LRP5: variants seen among roughly 807,000 people sequenced by gnomAD.
LRP5 encodes LDL receptor related protein 5, also known as low-density lipoprotein receptor-related protein 5.
LRP5 carries 62 observed loss-of-function variants against 154.1 expected under a neutral mutation model. That is an observed-to-expected ratio of 0.40 (90% CI 0.33 to 0.50). LRP5 has a LOEUF of 0.50. Ranked by LOEUF, LRP5 falls within the 20% of genes least tolerant of loss-of-function variation. The pLI is 0.55. For missense variants in LRP5, 1,915 were observed against 2,336.7 expected, an observed-to-expected ratio of 0.82 and a Z score of 3.72; for synonymous variants, 966 against 1,011.5, an observed-to-expected ratio of 0.96 and a Z score of 0.85.
At position 68,448,901 on chromosome 11, in the gene LRP5, G is replaced by C; in HGVS notation, c.4679G>C (p.Ser1560Thr). The change falls in exon 23 of 23, where the codon AGC becomes ACC. Residue 1560 changes from serine to threonine, a missense_variant. Around this residue, in one of 3 missense-constraint regions of LRP5, gnomAD observed 1,094 missense variants for 1,210.1 expected, o/e 0.90. Coordinates refer to ENST00000294304, the MANE Select transcript of LRP5 (RefSeq NM_002335.4). ...SDYSASRWKA[S>T]KYYLDLNSDS... ...TACAGCGCCAGCCGCTGGAAGGCCA[G>C]CAAGTACTACCTGGATTTGAACTCG... 1 of 1,613,672 alleles carries C rather than the reference G, an allele frequency of 6.2e-7. No individual in the cohort carries two copies. The highest frequency in any genetic ancestry group is 8.5e-7 in the Non-Finnish European group (1 of 1,180,018).
rs1202137792 is a variant in LRP5, at chr11:68,448,816, A to G, written c.4594A>G (p.Ile1532Val). Residue 1532 changes from isoleucine (I) to valine (V), a missense_variant, in exon 23 of 23, where the codon ATC (isoleucine) becomes GTC (valine). Around this residue, in one of 3 missense-constraint regions of LRP5, gnomAD observed 1,094 missense variants for 1,210.1 expected, o/e 0.90. Transcript: ENST00000294304. ...TGTGTGTGTCCCTTTCAGGCCCTAC[A>G]TCATTCGAGGAATGGCGCCCCCGAC... Reference protein sequence around the residue: ...PATARPYRPYIIRGMAPPTTP... With the variant: ...PATARPYRPYVIRGMAPPTTP... The G allele has an allele frequency of 1.2e-6, 2 of 1,605,792 alleles. No homozygotes were observed. The highest frequency in any genetic ancestry group is 1.7e-6 in the Non-Finnish European group (2 of 1,179,932).
chr11:68,413,653 C>G lies in LRP5; in HGVS notation c.2504-36C>G, dbSNP rs761291947. 1.9e-6 allele frequency: 3 copies of G among 1,597,302 alleles called. No individual in the cohort carries two copies. Among genetic ancestry groups the G allele is most frequent in the South Asian group, 1.1e-5 (1 of 90,732 alleles). The stretch of plus-strand genomic sequence containing the variant: ...CCGTGTGCTCTGTGGCCTGGCTGTG[C>G]CTTTGCTGACACCGTGCCCGTGTGT... On this transcript the variant is annotated intron_variant, in intron 11 of 22. Coordinates refer to ENST00000294304, the MANE Select transcript of LRP5 (RefSeq NM_002335.4). The surrounding 1 kb of genome is among the most constrained non-coding windows in gnomAD (Gnocchi z 5.1).
At chr11:68,439,989 C>T (rs902345358) in intron 21 of LRP5, 73 bp downstream of exon 21, 26 of 1,387,764 alleles carry the variant, frequency 1.9e-5, no homozygotes, top group East Asian at 1.0e-4. Flanking sequence ...TGCTGGCCAC[C>T]GGAGGCTTCC....
At chr11:68,434,411 G>T (rs908301000) in intron 18 of LRP5, among the ~76,000 whole-genome samples, 1 of 151,642 alleles carries the variant, frequency 6.6e-6, no homozygotes, top group Non-Finnish European at 1.5e-5. Context: ...ACAGAGTCTT[G>T]CTCTGTCACC....
At chr11:68,306,364 G>A in the LRP5 span, among the ~76,000 whole-genome samples, 1 of 152,134 alleles carries the variant, frequency 6.6e-6, no homozygotes, top group African/African-American at 2.4e-5. Context: ...TCGAACTCAT[G>A]ACCTTAGGTG....
chr11:68,439,725 G>A (rs1328543478), intron 20 of LRP5, 52 bp from the exon 21 acceptor site: 19 of 1,586,886 alleles, frequency 1.2e-5, no homozygotes, highest in African/African-American at 5.4e-5. Flanking sequence ...TCTGTGGGGC[G>A]GCTTGGCTGA....
Position 68,433,606 on chromosome 11 carries a change from G to T in LRP5, c.3768G>T (p.Pro1256=), listed in dbSNP as rs746916192. The change falls in exon 18 of 23, where the codon CCG becomes CCT. Residue 1256 remains proline, a synonymous_variant. Transcript: ENST00000294304. Reference sequence around the variant, plus strand: ...TCTCCTCTGTCCCTCCCCCAGAGCCGCCCACCTGCTCCCCGGACCAGTTTG... The same window carrying T: ...TCTCCTCTGTCCCTCCCCCAGAGCCTCCCACCTGCTCCCCGGACCAGTTTG... ...LLQNLLTCGE[P]PTCSPDQFAC... 2 of 1,612,956 alleles carry T rather than the reference G, an allele frequency of 1.2e-6. No homozygotes were observed. The highest frequency in any genetic ancestry group is 1.3e-5 in the African/African-American group (1 of 74,918).
intron 3 of LRP5, among the ~76,000 whole-genome samples, chr11:68,358,547 A>AC (rs1421228173): frequency 1.3e-5 from 2 of 151,672 alleles, no homozygotes; most frequent in African/African-American, 4.9e-5. Flanking sequence ...CACACGCACC[A>AC]CCCCCACCCT....
At chr11:68,367,314 G>A (rs1041963895) in intron 5 of LRP5, among the ~76,000 whole-genome samples, 1 of 152,232 alleles carries the variant, frequency 6.6e-6, no homozygotes, top group African/African-American at 2.4e-5. Context: ...GCCAGGGCAA[G>A]TCACCAGCCT....
At chr11:68,402,918 C>G (rs2098653401) in intron 7 of LRP5, among the ~76,000 whole-genome samples, 1 of 152,172 alleles carries the variant, frequency 6.6e-6, no homozygotes, top group Non-Finnish European at 1.5e-5. Flanking sequence ...CTGGCCCTGT[C>G]ACTGCTCTAT....
At chr11:68,427,860 CTCT>C (rs1179223704) in intron 16 of LRP5, among the ~76,000 whole-genome samples, 3 of 151,940 alleles carry the variant, frequency 2.0e-5, no homozygotes, top group African/African-American at 4.8e-5. Context: ...AAGCTGCCTC[CTCT>C]TCTTCTCATT....
At chr11:68,445,592 T>A (rs753711010) in intron 21 of LRP5, 1 of 1,316,674 alleles carries the variant, frequency 7.6e-7, no homozygotes. Flanking sequence ...TCTGGCTGTA[T>A]GCTTTCCAGG....
intron 18 of LRP5, among the ~76,000 whole-genome samples, chr11:68,434,478 C>T (rs1054466825): frequency 2.0e-5 from 3 of 152,160 alleles, no homozygotes; most frequent in African/African-American, 7.2e-5. Flanking sequence ...CTCCAGGGTT[C>T]AATCGATTCT....
At chr11:68,422,476 CG>C (rs2098666332) in intron 13 of LRP5, among the ~76,000 whole-genome samples, 1 of 152,170 alleles carries the variant, frequency 6.6e-6, no homozygotes, top group Non-Finnish European at 1.5e-5. Context: ...ACCAGATCCC[CG>C]CAGGCAGTAG....
intron 5 of LRP5, among the ~76,000 whole-genome samples, chr11:68,377,839 CT>C: frequency 6.6e-6 from 1 of 151,700 alleles, no homozygotes; most frequent in Non-Finnish European, 1.5e-5. Flanking sequence ...CGATTCTCAG[CT>C]TTCCCTGGAT....
intron 17 of LRP5, among the ~76,000 whole-genome samples, chr11:68,429,973 C>CT (rs1373612901): frequency 6.6e-6 from 1 of 152,192 alleles, no homozygotes; most frequent in African/African-American, 2.4e-5. Context: ...CCTGAGATGA[C>CT]ATCTTTGGCT....
chr11:68,319,492 G>A (rs2098595478), intron 1 of LRP5, among the ~76,000 whole-genome samples: 1 of 152,054 alleles, frequency 6.6e-6, no homozygotes, highest in Admixed American at 6.6e-5. Flanking sequence ...TGGGATTACA[G>A]GCATGAGCCG....
intron 1 of LRP5, among the ~76,000 whole-genome samples, chr11:68,343,733 T>G (rs1189505757): frequency 6.6e-6 from 1 of 152,144 alleles, no homozygotes; most frequent in Non-Finnish European, 1.5e-5. Context: ...AGGCCCCTCC[T>G]GCCCTCAGGC....
chr11:68,346,877 G>A (rs565586540), intron 1 of LRP5, among the ~76,000 whole-genome samples: 1 of 152,334 alleles, frequency 6.6e-6, no homozygotes, highest in African/African-American at 2.4e-5. Context: ...GGGGTTGCTG[G>A]ACCCTCCTGG....
Sources: allele counts gnomAD v4.1 joint callset (sites outside exome capture counted in the v4.1 genomes callset), GRCh38; gene constraint gnomAD v4.1.1; regional missense constraint gnomAD v4.1.1; non-coding constraint Gnocchi (gnomAD v3.1); transcripts MANE v1.5; gene names NCBI Gene and HGNC (gene_info 2026-07-23, HGNC 2026-07-21).